Variants in DCAF1 observed in about 807,000 individuals in gnomAD.
The protein encoded by DCAF1 is DDB1- and CUL4-associated factor 1.
Under a neutral mutation model 128.0 loss-of-function variants are expected in DCAF1, and 15 were observed. The ratio of observed to expected loss-of-function variants is 0.12; its 90% confidence interval spans 0.08 to 0.18. DCAF1 has a LOEUF of 0.18. Among genes scored for constraint, DCAF1 ranks in the 10% least tolerant of loss-of-function variants. The pLI, the probability that DCAF1 is intolerant of heterozygous loss-of-function variation, is 1.00. For missense variants in DCAF1, 988 were observed against 1,649.5 expected (o/e 0.60, Z 6.95); for synonymous variants, 610 against 603.0 (o/e 1.01, Z -0.17).
chr3:51,427,349 T>C (rs782448570), intron 13 of DCAF1, 23 bp downstream of exon 13: 3 of 670,510 alleles, frequency 4.5e-6, no homozygotes, highest in Non-Finnish European at 8.3e-6. Context: ...CAAACTTCAT[T>C]TGAAATCTCT....
intron 23 of DCAF1, among the ~76,000 whole-genome samples, chr3:51,406,424 C>T (rs1321644838): frequency 2.7e-5 from 4 of 149,708 alleles, no homozygotes; most frequent in African/African-American, 9.8e-5. Flanking sequence ...GTTTTGGATC[C>T]AGGGATATTG....
intron 23 of DCAF1, among the ~76,000 whole-genome samples, chr3:51,404,136 A>C (rs1432347636): frequency 6.6e-6 from 1 of 152,240 alleles, no homozygotes; most frequent in African/African-American, 2.4e-5. Flanking sequence ...CACAGATTTC[A>C]GGTTTGCATT....
At chr3:51,504,428 AC>A (rs1186175701), upstream of DCAF1, among the ~76,000 whole-genome samples, 2 of 151,630 alleles carry the variant, frequency 1.3e-5, no homozygotes, top group Middle Eastern at 3.4e-3. Context: ...TCTCACTGCA[AC>A]CTCTGCATCC....
Position 51,461,918 on chromosome 3 carries a change from G to C in DCAF1, c.375+1196C>G, listed in dbSNP as rs1703630604. On this transcript the variant is annotated intron_variant, in intron 6 of 24. Coordinates refer to ENST00000684031, the MANE Select transcript of DCAF1 (RefSeq NM_001387579.1). ...CACACACTGGGGACTGTTGTGGGGT[G>C]GGGGAAGCGGGAAGGGATAGCATTA... 2.0e-5 allele frequency among the ~76,000 whole-genome samples: 3 copies of C among 152,206 alleles called. No individual in the cohort carries two copies. In the South Asian group the frequency reaches 6.2e-4, roughly 32 times the overall value.
chr3:51,397,220 G>A (rs1553623280), downstream of DCAF1: 8 of 167,128 alleles, frequency 4.8e-5, no homozygotes, highest in Non-Finnish European at 1.5e-5. Context: ...AAGAGACTAT[G>A]GTCTTCTATT....
chr3:51,472,429 C>T (rs1353399126), intron 3 of DCAF1, among the ~76,000 whole-genome samples: 1 of 150,950 alleles, frequency 6.6e-6, no homozygotes, highest in Non-Finnish European at 1.5e-5. Context: ...AGGCTGGAGT[C>T]TAGTGGCTAT....
At chr3:51,487,553 TGATA>T (rs1707115652) in intron 2 of DCAF1, among the ~76,000 whole-genome samples, 1 of 152,218 alleles carries the variant, frequency 6.6e-6, no homozygotes, top group Non-Finnish European at 1.5e-5. Flanking sequence ...CTCTGGTCTA[TGATA>T]GATAGTTTGG....
At chr3:51,482,692 G>A (rs1360444770) in intron 3 of DCAF1, among the ~76,000 whole-genome samples, 2 of 148,996 alleles carry the variant, frequency 1.3e-5, no homozygotes, top group Non-Finnish European at 3.0e-5. Flanking sequence ...TTGAACCCGG[G>A]AGGCGGAGGT....
At chr3:51,445,450 C>T (rs1212633965) in intron 6 of DCAF1, among the ~76,000 whole-genome samples, 1 of 152,142 alleles carries the variant, frequency 6.6e-6, no homozygotes, top group African/African-American at 2.4e-5. Flanking sequence ...ATCTCATCCT[C>T]ATATCAAGCC....
At chr3:51,471,803 G>GTTGCGGTGAGGCAAGAGA (rs1301441333) in intron 3 of DCAF1, among the ~76,000 whole-genome samples, 2 of 151,958 alleles carry the variant, frequency 1.3e-5, no homozygotes, top group African/African-American at 4.8e-5. Context: ...GGAGGTGGAG[G>GTTGCGGTGAGGCAAGAGA]TTGCGGTGAG....
intron 10 of DCAF1, among the ~76,000 whole-genome samples, chr3:51,431,672 C>T (rs1700397048): frequency 6.6e-6 from 1 of 152,192 alleles, no homozygotes; most frequent in South Asian, 2.1e-4. Flanking sequence ...CAAGCATCAG[C>T]TGAGTGTGGT....
chr3:51,450,189 T>A (rs1178556188), intron 6 of DCAF1, among the ~76,000 whole-genome samples: 1 of 152,082 alleles, frequency 6.6e-6, no homozygotes, highest in Non-Finnish European at 1.5e-5. Flanking sequence ...TTTAAATAAT[T>A]AAATAAAATA....
At chr3:51,505,322 G>C in the DCAF1 span, among the ~76,000 whole-genome samples, 54 of 151,950 alleles carry the variant, frequency 3.6e-4, no homozygotes, top group African/African-American at 1.3e-3. Context: ...AAAAAAGAGA[G>C]GGCCTACAGA....
intron 1 of DCAF1, among the ~76,000 whole-genome samples, chr3:51,498,936 A>C (rs1369830925): frequency 6.6e-6 from 1 of 152,198 alleles, no homozygotes; most frequent in African/African-American, 2.4e-5. Flanking sequence ...TTGAACAGGA[A>C]GATGCTACTA....
chr3:51,473,298 T>C (rs1577261793), intron 3 of DCAF1, among the ~76,000 whole-genome samples: 2 of 149,642 alleles, frequency 1.3e-5, no homozygotes, highest in Admixed American at 1.3e-4. Flanking sequence ...ACTATCTGGG[T>C]GACCTAAGAC....
intron 9 of DCAF1, among the ~76,000 whole-genome samples, chr3:51,435,545 T>C (rs1700731382): frequency 6.6e-6 from 1 of 152,084 alleles, no homozygotes; most frequent in Non-Finnish European, 1.5e-5. Flanking sequence ...ACCTAGCCTC[T>C]ACTAATAACA....
At chr3:51,455,505 C>A (rs1204698268) in intron 6 of DCAF1, among the ~76,000 whole-genome samples, 2 of 152,116 alleles carry the variant, frequency 1.3e-5, no homozygotes, top group Admixed American at 6.6e-5. Context: ...ACTCAGGAGG[C>A]TGAGGTGGGA....
intron 6 of DCAF1, among the ~76,000 whole-genome samples, chr3:51,462,769 A>G (rs1553645046): frequency 1.3e-5 from 2 of 149,098 alleles, no homozygotes; most frequent in Non-Finnish European, 3.0e-5. Flanking sequence ...AAAAAAAACT[A>G]TAGCACCCAA....
chr3:51,459,483 G>C (rs1703301267), intron 6 of DCAF1, among the ~76,000 whole-genome samples: 1 of 152,166 alleles, frequency 6.6e-6, no homozygotes, highest in Non-Finnish European at 1.5e-5. Context: ...GAGGTACAAA[G>C]AGGAGCTGGT....
Sources: gnomAD v4.1 joint callset for allele counts (sites outside exome capture counted in the v4.1 genomes callset) on GRCh38, gnomAD v4.1.1 for gene constraint, MANE v1.5 for transcripts, NCBI Gene and HGNC (gene_info 2026-07-23, HGNC 2026-07-21) for gene names.